The following DGKB variants were observed in gnomAD, a reference collection of about 807,000 sequenced individuals.
DGKB encodes 90 kDa diacylglycerol kinase.
In DGKB, 67 loss-of-function variants were observed where a neutral mutation model predicts 114.3. The ratio of observed to expected loss-of-function variants is 0.59; its 90% confidence interval spans 0.48 to 0.72. The LOEUF (loss-of-function observed/expected upper bound fraction) is 0.72. DGKB is among the 30% of genes least tolerant of loss of function. The pLI is 0.00. For missense variants in DGKB, 907 were observed against 975.2 expected, an observed-to-expected ratio of 0.93 and a Z score of 0.93; for synonymous variants, 398 against 323.1, an observed-to-expected ratio of 1.23 and a Z score of -2.49.
At chr7:14,736,763 T>C (rs146980485) in intron 4 of DGKB, among the ~76,000 whole-genome samples, 27 of 152,348 alleles carry the variant, frequency 1.8e-4, no homozygotes, top group African/African-American at 6.5e-4. Context: ...GAAACATATT[T>C]TAAGATCTTA....
intron 5 of DGKB, among the ~76,000 whole-genome samples, chr7:14,735,575 C>T (rs141417091): frequency 8.6e-4 from 131 of 152,254 alleles, no homozygotes; most frequent in Non-Finnish European, 1.2e-3. Flanking sequence ...ACCATCTCTA[C>T]GGTGACACAA....
chr7:14,950,505 T>C (rs548145970), intron 1 of DGKB, among the ~76,000 whole-genome samples: 1 of 152,012 alleles, frequency 6.6e-6, no homozygotes, highest in Non-Finnish European at 1.5e-5. Flanking sequence ...ATTAACAAAA[T>C]TTTAGTTGGA....
At chr7:14,714,700 G>A (rs555269049) in intron 6 of DGKB, among the ~76,000 whole-genome samples, 3 of 152,120 alleles carry the variant, frequency 2.0e-5, no homozygotes, top group African/African-American at 4.8e-5. Flanking sequence ...GCCAGCTGAG[G>A]TTTTGAGTAG....
At chr7:14,467,166 ATATAT>A (rs150447928) in intron 21 of DGKB, among the ~76,000 whole-genome samples, 21 of 149,858 alleles carry the variant, frequency 1.4e-4, no homozygotes, top group African/African-American at 5.1e-4. Flanking sequence ...ATTGTCATAA[ATATAT>A]TTATTTATAT....
rs570835083 is a variant in DGKB at position 14,916,187 on chromosome 7, T to C, written c.-188+58509A>G. Among the ~76,000 whole-genome samples the C allele has an allele frequency of 4.1e-3, 630 of 151,878 alleles. 1 individual carries two copies. The highest frequency in any genetic ancestry group is 0.014 in the African/African-American group (599 of 41,480). Reference sequence around the variant, plus strand: ...GCAAACTCTGAGATAACCCCTAACATTTTTGAAGAAGTATAATAATATAAT... The same window carrying C: ...GCAAACTCTGAGATAACCCCTAACACTTTTGAAGAAGTATAATAATATAAT... On this transcript the variant is annotated intron_variant, in intron 1 of 4. Coordinates refer to the DGKB transcript ENST00000437998.
chr7:14,455,172 A>G (rs993194101), intron 21 of DGKB, among the ~76,000 whole-genome samples: 2 of 152,040 alleles, frequency 1.3e-5, no homozygotes, highest in Non-Finnish European at 2.9e-5. Context: ...TGCTTATACC[A>G]TTTGAGCAGT....
intron 21 of DGKB, among the ~76,000 whole-genome samples, chr7:14,452,933 A>G (rs11762226): frequency 0.33 from 50,066 of 151,974 alleles, 8,853 homozygotes; most frequent in South Asian, 0.41. Context: ...CATGCCCTAT[A>G]TTAAGTTTCT....
chr7:14,230,401 T>C (rs901528009), intron 23 of DGKB, among the ~76,000 whole-genome samples: 14 of 151,994 alleles, frequency 9.2e-5, no homozygotes, highest in African/African-American at 3.4e-4. Flanking sequence ...AGGAAAAATT[T>C]CTCTTACCTG....
chr7:14,626,211 G>A (rs1387940682), intron 14 of DGKB, among the ~76,000 whole-genome samples: 1 of 152,114 alleles, frequency 6.6e-6, no homozygotes, highest in African/African-American at 2.4e-5. Flanking sequence ...TGCTGTTATC[G>A]ATCGCTGGCA....
chr7:14,439,979 C>G (rs1199142347), intron 21 of DGKB, among the ~76,000 whole-genome samples: 2 of 151,494 alleles, frequency 1.3e-5, no homozygotes, highest in African/African-American at 4.9e-5. Context: ...CATTACAAGA[C>G]TGAATGAAGG....
At chr7:14,624,660 T>C (rs1399555662) in intron 14 of DGKB, among the ~76,000 whole-genome samples, 2 of 152,086 alleles carry the variant, frequency 1.3e-5, no homozygotes, top group Non-Finnish European at 2.9e-5. Context: ...CCTAAGTAAG[T>C]TGGGCAGGAG....
chr7:14,708,595 T>C (rs990579372), intron 6 of DGKB, among the ~76,000 whole-genome samples: 17 of 151,276 alleles, frequency 1.1e-4, no homozygotes, highest in Non-Finnish European at 2.2e-4. Flanking sequence ...CAAAACAGCA[T>C]GGTACTGGTA....
intron 20 of DGKB, among the ~76,000 whole-genome samples, chr7:14,561,025 C>T (rs966633445): frequency 7.9e-5 from 12 of 152,262 alleles, no homozygotes; most frequent in African/African-American, 2.9e-4. Context: ...ATTTTCTACC[C>T]ATTTTGTAGC....
At position 14,686,838 on chromosome 7, in the gene DGKB, CCTTTCTTTTTCTTT is replaced by C. The variant is rs1337854814; in HGVS notation, c.712-1490_712-1477del. 2.0e-5 allele frequency among the ~76,000 whole-genome samples: 3 copies of C among 151,850 alleles called. No individual in the cohort carries two copies. The East Asian group carries it at 5.8e-4, about 29-fold the overall frequency. On this transcript the variant is annotated intron_variant, in intron 9 of 25. Coordinates refer to ENST00000402815, the MANE Select transcript of DGKB (RefSeq NM_001350709.2). ...CATGTTTTGCAAACAGAAGCACTGT[CCTTTCTTTTTCTTT>C]CTTTCTTTTTTTTCTTCTTAAGACT... is the stretch of plus-strand genomic sequence containing the variant.
At chr7:14,570,459 G>A (rs143901031) in intron 20 of DGKB, among the ~76,000 whole-genome samples, 241 of 152,148 alleles carry the variant, frequency 1.6e-3, no homozygotes, top group African/African-American at 5.6e-3. Flanking sequence ...AAAAATTGGA[G>A]CATAACATTT....
intron 25 of DGKB, among the ~76,000 whole-genome samples, chr7:14,174,313 A>T (rs1266312785): frequency 6.6e-6 from 1 of 152,156 alleles, no homozygotes; most frequent in Non-Finnish European, 1.5e-5. Context: ...TTCCTCAGTT[A>T]TTTCCTTCAT....
intron 23 of DGKB, among the ~76,000 whole-genome samples, chr7:14,324,900 T>C (rs1347990485): frequency 6.6e-6 from 1 of 152,108 alleles, no homozygotes; most frequent in African/African-American, 2.4e-5. Flanking sequence ...TTAAACAAAA[T>C]CATAGAACTC....
chr7:14,639,040 A>G (rs1180736096), intron 13 of DGKB, among the ~76,000 whole-genome samples: 1 of 150,580 alleles, frequency 6.6e-6, no homozygotes, highest in Admixed American at 6.6e-5. Flanking sequence ...CTCCATCTCA[A>G]AAATAAATAA....
intron 21 of DGKB, among the ~76,000 whole-genome samples, chr7:14,399,710 C>A (rs1408703106): frequency 6.6e-6 from 1 of 151,768 alleles, no homozygotes; most frequent in African/African-American, 2.4e-5. Context: ...GGGATGACAT[C>A]CAAATTATGT....
Sources: allele counts gnomAD v4.1 joint callset (sites outside exome capture counted in the v4.1 genomes callset), GRCh38; gene constraint gnomAD v4.1.1; transcripts MANE v1.5; gene names NCBI Gene and HGNC (gene_info 2026-07-23, HGNC 2026-07-21).